The following MATR3 variants were observed in gnomAD, a reference collection of about 807,000 sequenced individuals.
MATR3 encodes matrin-3.
Under a neutral mutation model 85.5 loss-of-function variants are expected in MATR3, and 4 were observed. The ratio of observed to expected loss-of-function variants is 0.05; its 90% confidence interval spans 0.02 to 0.11. MATR3 has a LOEUF of 0.11. MATR3 is among the 10% of genes least tolerant of loss of function. MATR3 has a pLI of 1.00. For synonymous variants in MATR3, 336 were observed against 343.1 expected, an observed-to-expected ratio of 0.98 and a Z score of 0.23; for missense variants, 685 against 1,016.1, an observed-to-expected ratio of 0.67 and a Z score of 4.43.
At chr5:139,311,125 G>C (rs1754949078) in intron 2 of MATR3, 1 of 152,104 alleles carries the variant, frequency 6.6e-6, no homozygotes, top group Non-Finnish European at 1.5e-5. Context: ...GCAATCTCAA[G>C]CTTTCTCAGC....
At chr5:139,282,777 TTG>T (rs1274256162) in intron 3 of MATR3, 1 of 152,272 alleles carries the variant, frequency 6.6e-6, no homozygotes, top group Non-Finnish European at 1.5e-5. Context: ...TAGGCTCCTG[TTG>T]GCCATGACAG....
intron 14 of MATR3, 108 bp from the exon 15 acceptor site, chr5:139,329,237 A>T: frequency 1.3e-6 from 1 of 783,784 alleles, no homozygotes; most frequent in Non-Finnish European, 2.2e-6. Context: ...TGACAAAATT[A>T]TAGTTTAAGT....
At chr5:139,321,612 A>G (rs1354867957) in intron 9 of MATR3, among the ~76,000 whole-genome samples, 1 of 152,068 alleles carries the variant, frequency 6.6e-6, no homozygotes, top group African/African-American at 2.4e-5. Context: ...GCGAAACTGC[A>G]CCTCTACAAA....
intron 1 of MATR3, chr5:139,294,237 A>C (rs1037012119): frequency 4.8e-6 from 2 of 414,774 alleles, no homozygotes; most frequent in African/African-American, 2.0e-5. Flanking sequence ...CAGACTGTAC[A>C]CTGGGGGCTT....
rs1158091591 is a variant in MATR3 at position 139,330,489 on chromosome 5, C to T, written c.*1094C>T. On this transcript the variant is annotated 3_prime_UTR_variant, in exon 15 of 15. Transcript: ENST00000394805. ...TATTCGCTCTTAAACTTTGTGCATG[C>T]TTTAACAATTTATTACTTTTAAATC... The T allele has an allele frequency of 2.2e-6, 1 of 454,222 alleles. No individual in the cohort carries two copies. The highest frequency in any genetic ancestry group is 6.9e-5 in the East Asian group (1 of 14,398). 28.1% of individuals were successfully genotyped at this position (454,222 alleles called of 1,614,324 possible). A position where few individuals can be genotyped will look rare whatever the true frequency, so the allele number is the denominator to read the frequency against.
rs186645329 is a variant in MATR3, at chr5:139,288,031, T to C, written c.-178+8902T>C. On this transcript the variant is annotated intron_variant, in intron 3 of 16. Coordinates refer to ENST00000509990, the Ensembl canonical transcript of MATR3. Reference sequence around the variant, plus strand: ...TTCGACACCAGCCTAGGCAACATAATGAAACCCCGTCTCTACAAAAAATAC... The same window carrying C: ...TTCGACACCAGCCTAGGCAACATAACGAAACCCCGTCTCTACAAAAAATAC... Among the ~76,000 whole-genome samples the C allele has an allele frequency of 3.3e-5, 5 of 152,150 alleles. 1 individual carries two copies. Among genetic ancestry groups the C allele is most frequent in the Admixed American group, 3.3e-4 (5 of 15,274 alleles).
intron 2 of MATR3, chr5:139,276,253 T>C (rs1753271899): frequency 1.1e-5 from 5 of 455,174 alleles, no homozygotes; most frequent in Admixed American, 2.4e-5. Context: ...CAGCAGCCAA[T>C]AGCTGGTTGG....
chr5:139,306,685 G>A (rs1754723156), intron 1 of MATR3, among the ~76,000 whole-genome samples: 1 of 152,104 alleles, frequency 6.6e-6, no homozygotes, highest in Non-Finnish European at 1.5e-5. Context: ...ACCTCAAATT[G>A]ATTTTGCTGT....
chr5:139,294,495 A>T (rs1754037952), intron 1 of MATR3: 1 of 153,280 alleles, frequency 6.5e-6, no homozygotes, highest in Admixed American at 6.6e-5. Context: ...GCGCGGCGTT[A>T]GCTGGACATC....
chr5:139,319,113 T>C, intron 8 of MATR3, 80 bp downstream of exon 8: 1 of 1,493,880 alleles, frequency 6.7e-7, no homozygotes, highest in South Asian at 1.2e-5. Flanking sequence ...TTTCAAATTA[T>C]TGCTAAGGCC....
In MATR3 at chr5:139,322,976, AGATACATT is replaced by A. The variant is rs781355122; in HGVS notation, c.2148+13_2148+20del. 7 of 1,542,530 alleles carry A rather than the reference AGATACATT, an allele frequency of 4.5e-6. No homozygotes were observed. The highest frequency in any genetic ancestry group is 6.2e-6 in the Non-Finnish European group (7 of 1,124,832). ...AGAAAAAGCTTAAAAAGGTAAAGAA[AGATACATT>A]GATTTGTTTTAATAGAACATTAGAT... On this transcript the variant is annotated intron_variant, in intron 12 of 14. Transcript: ENST00000394805.
chr5:139,306,159 AAT>A (rs1299235379), intron 1 of MATR3, among the ~76,000 whole-genome samples: 1 of 152,226 alleles, frequency 6.6e-6, no homozygotes, highest in Non-Finnish European at 1.5e-5. Context: ...TCTTTCAACT[AAT>A]ATTTTATGAC....
At chr5:139,311,802 CTG>C (rs1180012086) in intron 2 of MATR3, 1 of 108,554 alleles carries the variant, frequency 9.2e-6, no homozygotes, top group Non-Finnish European at 1.7e-5. Flanking sequence ...GTTTCTCGCT[CTG>C]TGTCCCAGGC....
At chr5:139,288,853 AGGATGGTC>A (rs1753788777), upstream of MATR3, among the ~76,000 whole-genome samples, 1 of 152,184 alleles carries the variant, frequency 6.6e-6, no homozygotes, top group African/African-American at 2.4e-5. Flanking sequence ...CATGTCAGAA[AGGATGGTC>A]TCGATCTGAC....
intron 2 of MATR3, chr5:139,313,171 C>T (rs1487121387): frequency 2.0e-5 from 3 of 152,026 alleles, no homozygotes; most frequent in South Asian, 4.2e-4. Flanking sequence ...AAAAACACAT[C>T]GCCTGACCAT....
At chr5:139,283,050 G>C (rs1344488666) in intron 3 of MATR3, 2 of 152,250 alleles carry the variant, frequency 1.3e-5, no homozygotes, top group East Asian at 3.8e-4. Context: ...ACTTTATTCT[G>C]TCATGTAGAG....
intron 13 of MATR3, among the ~76,000 whole-genome samples, 159 bp from the exon 14 acceptor site, chr5:139,326,004 G>A (rs1433789773): frequency 6.6e-6 from 1 of 152,040 alleles, no homozygotes; most frequent in Non-Finnish European, 1.5e-5. Flanking sequence ...CATCAATTAG[G>A]TAAAAGCAAA....
chr5:139,328,372 A>G (rs890754336), intron 14 of MATR3, among the ~76,000 whole-genome samples: 3 of 152,142 alleles, frequency 2.0e-5, no homozygotes, highest in Middle Eastern at 3.2e-3. Flanking sequence ...TGAAATTCCA[A>G]TGAGATGGAA....
At position 139,317,611 on chromosome 5, in the gene MATR3, G is replaced by A; in HGVS notation, c.1198G>A (p.Val400Ile). 6.2e-7 allele frequency: 1 copy of A among 1,611,712 alleles called. No individual in the cohort carries two copies. Among genetic ancestry groups the A allele is most frequent in the Non-Finnish European group, 8.5e-7 (1 of 1,179,758 alleles). Reference protein sequence around the residue: ...QKGRVETSRVVHIMDFQRGKN... With the variant: ...QKGRVETSRVIHIMDFQRGKN... Reference sequence around the variant, plus strand: ...TAATGGATAGGAAACTAGCAGAGTTGTTCACATCATGGATTTTCAACGAGG... The same window carrying A: ...TAATGGATAGGAAACTAGCAGAGTTATTCACATCATGGATTTTCAACGAGG... Residue 400 changes from valine to isoleucine, a missense_variant, in exon 7 of 15, where the codon GTT becomes ATT. Physicochemically the swap from Val to Ile is conservative, Grantham distance 29. This residue lies in a region of MATR3 where 223 missense variants were observed against 334.4 expected (regional missense o/e 0.67). Transcript: ENST00000394805.
Sources: allele counts gnomAD v4.1 joint callset (sites outside exome capture counted in the v4.1 genomes callset), GRCh38; gene constraint gnomAD v4.1.1; regional missense constraint gnomAD v4.1.1; transcripts MANE v1.5; gene names NCBI Gene and HGNC (gene_info 2026-07-23, HGNC 2026-07-21).